ZC3H14: variants seen among roughly 807,000 people sequenced by gnomAD.
The protein encoded by ZC3H14 is zinc finger CCCH domain-containing protein 14.
In ZC3H14, 31 loss-of-function variants were observed where a neutral mutation model predicts 92.4. The observed-to-expected ratio is 0.34, with a 90% CI of 0.25 to 0.45. The LOEUF (loss-of-function observed/expected upper bound fraction) is 0.45, where lower values mean the gene tolerates loss of function less well. Among genes scored for constraint, ZC3H14 ranks in the 20% least tolerant of loss-of-function variants. The probability of loss-of-function intolerance (pLI) is 1.00; values close to 1 mark genes in which losing one functional copy is unlikely to be tolerated. For synonymous variants in ZC3H14, 321 were observed against 300.9 expected (o/e 1.07, Z -0.69); for missense variants, 781 against 897.3 (o/e 0.87, Z 1.66).
chr14:88,589,107 T>A lies in ZC3H14; in HGVS notation c.1280-7627T>A, dbSNP rs538898871. 4.6e-5 allele frequency: 7 copies of A among 152,354 alleles called. No homozygotes were observed. The East Asian group carries it at 9.7e-4, about 21-fold the overall frequency. The allele number at this position is 152,354 out of a possible 1,614,324, so 9.4% of individuals were successfully genotyped here. On this transcript the variant is annotated intron_variant, in intron 9 of 16. Coordinates refer to ENST00000251038, the MANE Select transcript of ZC3H14 (RefSeq NM_024824.5). ...GATTATGGAATTTTTTTCAAAAACA[T>A]CTGCAGATAGTGGTTCCTAGTTTAA...
intron 15 of ZC3H14, 34 bp downstream of exon 15, chr14:88,609,837 GACA>G (rs766421826): frequency 5.2e-5 from 83 of 1,591,002 alleles, no homozygotes; most frequent in Admixed American, 3.0e-4. Flanking sequence ...TCAATTTAGT[GACA>G]ACATCTCAAT....
Position 88,627,207 on chromosome 14 carries a change from G to A in ZC3H14, c.*15456G>A, listed in dbSNP as rs185422253. 150 of 654,002 alleles carry A rather than the reference G, an allele frequency of 2.3e-4. No homozygotes were observed. Among genetic ancestry groups the A allele is most frequent in the Admixed American group, 8.9e-4 (31 of 34,952 alleles). 40.5% of individuals were successfully genotyped at this position (654,002 alleles called of 1,614,324 possible). ...AGCAATACATGATTTACAATTATTT[G>A]TGTATTGAGTCCTTTTCACTTATCT... On this transcript the variant is annotated 3_prime_UTR_variant, in exon 17 of 17. Transcript: ENST00000251038.
In ZC3H14 at chr14:88,618,550, A is replaced by C; in HGVS notation, c.*6799A>C. 7.3e-7 allele frequency: 1 copy of C among 1,372,502 alleles called. No individual in the cohort carries two copies. Among genetic ancestry groups the C allele is most frequent in the Non-Finnish European group, 9.8e-7 (1 of 1,017,114 alleles). 85.0% of individuals were successfully genotyped at this position (1,372,502 alleles called of 1,614,324 possible). A position where few individuals can be genotyped will look rare whatever the true frequency, so the allele number is the denominator to read the frequency against. ...GAAGGTACAAAGGGAGGAGTTGAGA[A>C]GCTGGAGCTCTGGAGCTCAGGAACT... On this transcript the variant is annotated 3_prime_UTR_variant, in exon 17 of 17. Transcript: ENST00000251038.
chr14:88,619,823 C>T lies in ZC3H14; in HGVS notation c.*8072C>T, dbSNP rs536012793. 1 of 152,366 alleles carries T rather than the reference C, an allele frequency of 6.6e-6. No homozygotes were observed. The highest frequency in any genetic ancestry group is 2.1e-4 in the South Asian group (1 of 4,824). The allele number at this position is 152,366 out of a possible 1,614,324, so 9.4% of individuals were successfully genotyped here. ...GGGATTACAGGCGCCTGCCACCACG[C>T]CCGGCTGATTTTTGTATTTTTAGTT... On this transcript the variant is annotated 3_prime_UTR_variant, in exon 17 of 17. Coordinates refer to ENST00000251038, the MANE Select transcript of ZC3H14 (RefSeq NM_024824.5).
chr14:88,607,797 A>AATTG, intron 13 of ZC3H14, among the ~76,000 whole-genome samples: 1 of 123,012 alleles, frequency 8.1e-6, no homozygotes, highest in African/African-American at 3.2e-5. Flanking sequence ...TTCACCCTGC[A>AATTG]AGTACCATCC....
rs11848596 is a variant in ZC3H14 at position 88,614,799 on chromosome 14, G to A, written c.*3048G>A. 492 of 152,208 alleles carry A rather than the reference G, an allele frequency of 3.2e-3. 6 individuals are homozygous for A. The highest frequency in any genetic ancestry group is 0.011 in the African/African-American group (476 of 41,524). 9.4% of individuals were successfully genotyped at this position (152,208 alleles called of 1,614,324 possible). A position where few individuals can be genotyped will look rare whatever the true frequency, so the allele number is the denominator to read the frequency against. On this transcript the variant is annotated 3_prime_UTR_variant, in exon 17 of 17. Coordinates refer to ENST00000251038, the MANE Select transcript of ZC3H14 (RefSeq NM_024824.5). ...TTCTAACTGACAAGTTTTTACAAAT[G>A]GAGTTGGGCTCATTCATTTTGGAAA...
Position 88,615,797 on chromosome 14 carries a change from C to A in ZC3H14, c.*4046C>A. The A allele has an allele frequency of 6.2e-7, 1 of 1,607,638 alleles. No individual in the cohort carries two copies. The highest frequency in any genetic ancestry group is 1.1e-5 in the South Asian group (1 of 89,122). ...GTAATTCTGGTCTCAAAGTTAATTT[C>A]TGTAGTCATCTCAGCATCTCTCAGT... On this transcript the variant is annotated 3_prime_UTR_variant, in exon 17 of 17. Coordinates refer to ENST00000251038, the MANE Select transcript of ZC3H14 (RefSeq NM_024824.5).
intron 2 of ZC3H14, among the ~76,000 whole-genome samples, chr14:88,566,503 T>G (rs919359491): frequency 6.6e-6 from 1 of 152,158 alleles, no homozygotes; most frequent in African/African-American, 2.4e-5. Flanking sequence ...GAACCAAGAT[T>G]TATTTATTCT....
Position 88,609,708 on chromosome 14 carries a change from T to C in ZC3H14, c.2006-4T>C. The C allele has an allele frequency of 6.2e-7, 1 of 1,614,136 alleles. No homozygotes were observed. Among genetic ancestry groups the C allele is most frequent in the Non-Finnish European group, 8.5e-7 (1 of 1,179,968 alleles). On this transcript the variant is annotated splice_region_variant and splice_polypyrimidine_tract_variant and intron_variant, in intron 14 of 16. Transcript: ENST00000251038. ...GAGATCAGTCCTGGTTTTTATTTTG[T>C]TAGCAGTTGCACCACCAGCACCACC...
chr14:88,588,518 A>G (rs557060244), intron 9 of ZC3H14, among the ~76,000 whole-genome samples: 9 of 152,034 alleles, frequency 5.9e-5, no homozygotes, highest in Non-Finnish European at 1.0e-4. Context: ...TTGGTTGCCC[A>G]TCTTATTCCA....
chr14:88,607,839 C>T (rs369376966), intron 13 of ZC3H14, among the ~76,000 whole-genome samples: 2 of 136,192 alleles, frequency 1.5e-5, no homozygotes, highest in East Asian at 2.5e-4. Flanking sequence ...CATCCCCCAC[C>T]TCAGCCTGCA....
rs370973684 is a variant in ZC3H14, at chr14:88,622,745, G to A, written c.*10994G>A. ...TAAGTAAATAACCAAGCCAGAGTAA[G>A]TGTTCATTATTGGCTACTATAATTT... On this transcript the variant is annotated 3_prime_UTR_variant, in exon 17 of 17. Coordinates refer to ENST00000251038, the MANE Select transcript of ZC3H14 (RefSeq NM_024824.5). 1,137 of 1,518,104 alleles carry A rather than the reference G, an allele frequency of 7.5e-4. 19 individuals are homozygous for A. In the South Asian group the frequency reaches 0.013, roughly 18 times the overall value. 94.0% of individuals were successfully genotyped at this position (1,518,104 alleles called of 1,614,324 possible).
At position 88,625,558 on chromosome 14, in the gene ZC3H14, C is replaced by T. The variant is rs183146528; in HGVS notation, c.*13807C>T. The T allele has an allele frequency of 0.014, 2,126 of 155,560 alleles. 17 individuals are homozygous for T. Among genetic ancestry groups the T allele is most frequent in the Non-Finnish European group, 0.019 (1,363 of 70,202 alleles). 9.6% of individuals were successfully genotyped at this position (155,560 alleles called of 1,614,324 possible). On this transcript the variant is annotated 3_prime_UTR_variant, in exon 17 of 17. Coordinates refer to ENST00000251038, the MANE Select transcript of ZC3H14 (RefSeq NM_024824.5). Reference sequence around the variant, plus strand: ...CTGGGATTACAAGCGCCAGCCACCACGCCCGGCTAATTTTTGTATTTTTAG... The same window carrying T: ...CTGGGATTACAAGCGCCAGCCACCATGCCCGGCTAATTTTTGTATTTTTAG...
chr14:88,593,700 CTT>C (rs1428576301), intron 9 of ZC3H14, among the ~76,000 whole-genome samples: 2 of 152,082 alleles, frequency 1.3e-5, no homozygotes, highest in African/African-American at 4.8e-5. Flanking sequence ...GGAACCTTAT[CTT>C]ATGTCATAAA....
At chr14:88,570,129 G>C (rs527399266) in intron 3 of ZC3H14, among the ~76,000 whole-genome samples, 3 of 152,194 alleles carry the variant, frequency 2.0e-5, no homozygotes, top group African/African-American at 7.2e-5. Flanking sequence ...TTCTCATCTG[G>C]CCATAAATTG....
At position 88,568,123 on chromosome 14, in the gene ZC3H14, T is replaced by C; in HGVS notation, c.164T>C (p.Leu55Pro). Residue 55 changes from leucine to proline, a missense_variant, in exon 3 of 17, where the codon CTA becomes CCA. Physicochemically the swap from Leu to Pro is moderately conservative, Grantham distance 98. This residue lies in a region of ZC3H14 where 106 missense variants were observed against 154.2 expected (regional missense o/e 0.69). Coordinates refer to ENST00000251038, the MANE Select transcript of ZC3H14 (RefSeq NM_024824.5). ...DQMTEDLSLF[L>P]GNNTIRFTVW... Reference sequence around the variant, plus strand: ...ATGACAGAGGATCTGTCCCTGTTTCTAGGGAACAACACAATTCGATTCACC... The same window carrying C: ...ATGACAGAGGATCTGTCCCTGTTTCCAGGGAACAACACAATTCGATTCACC... 1.2e-6 allele frequency: 2 copies of C among 1,614,150 alleles called. No individual in the cohort carries two copies. Among genetic ancestry groups the C allele is most frequent in the Non-Finnish European group, 1.7e-6 (2 of 1,179,972 alleles).
chr14:88,577,991 A>G lies in ZC3H14; in HGVS notation c.1130A>G (p.Gln377Arg). Residue 377 changes from glutamine (Q) to arginine (R), a missense_variant, in exon 9 of 17, where the codon CAG becomes CGG. Gln to Arg is a conservative substitution (Grantham distance 43). Transcript: ENST00000251038. ...TKTTNYSTVPQKQTLPVAPRT... is the reference protein window; with the variant it reads ...TKTTNYSTVPRKQTLPVAPRT... ...TTTTGCTTTTATGTGAAAGTTCCACAGAAACAGACACTTCCAGTTGCTCCC... is the reference window on the plus strand; with the variant it reads ...TTTTGCTTTTATGTGAAAGTTCCACGGAAACAGACACTTCCAGTTGCTCCC... 2 of 1,614,188 alleles carry G rather than the reference A, an allele frequency of 1.2e-6. No individual in the cohort carries two copies. Among genetic ancestry groups the G allele is most frequent in the Non-Finnish European group, 1.7e-6 (2 of 1,180,032 alleles).
intron 12 of ZC3H14, among the ~76,000 whole-genome samples, chr14:88,604,599 G>T (rs1371925994): frequency 2.8e-5 from 4 of 142,674 alleles, no homozygotes; most frequent in Non-Finnish European, 3.0e-5. Flanking sequence ...TGCTTTCTTT[G>T]TTTTTTTTTT....
Position 88,622,072 on chromosome 14 carries a change from C to G in ZC3H14, c.*10321C>G. The G allele has an allele frequency of 3.6e-6, 1 of 276,882 alleles. No individual in the cohort carries two copies. Among genetic ancestry groups the G allele is most frequent in the South Asian group, 3.5e-5 (1 of 28,422 alleles). The allele number at this position is 276,882 out of a possible 1,614,324, so 17.2% of individuals were successfully genotyped here. A position where few individuals can be genotyped will look rare whatever the true frequency, so the allele number is the denominator to read the frequency against. On this transcript the variant is annotated 3_prime_UTR_variant, in exon 17 of 17. Coordinates refer to ENST00000251038, the MANE Select transcript of ZC3H14 (RefSeq NM_024824.5). ...CGCCTCCAGTAACCACTATTCTACT[C>G]TCCACCTCTGTGGGATCAACTTTTT...
Sources: gnomAD v4.1 joint callset for allele counts (sites outside exome capture counted in the v4.1 genomes callset) on GRCh38, gnomAD v4.1.1 for gene constraint, gnomAD v4.1.1 regional missense constraint, MANE v1.5 for transcripts, NCBI Gene and HGNC (gene_info 2026-07-23, HGNC 2026-07-21) for gene names.